The following ME2 variants were observed in gnomAD, a reference collection of about 807,000 sequenced individuals.
ME2 encodes NAD-dependent malic enzyme, mitochondrial.
ME2 carries 60 observed loss-of-function variants against 73.7 expected under a neutral mutation model. The observed-to-expected ratio is 0.81, with a 90% CI of 0.66 to 1.01. The LOEUF (loss-of-function observed/expected upper bound fraction) is 1.01. ME2 is among the 50% of genes least tolerant of loss of function. The probability of loss-of-function intolerance (pLI) is 0.00; values close to 1 mark genes in which losing one functional copy is unlikely to be tolerated. For missense variants in ME2, 594 were observed against 705.5 expected (o/e 0.84, Z 1.79); for synonymous variants, 199 against 236.9 (o/e 0.84, Z 1.47).
At chr18:50,941,711 G>A (rs1917966541) in intron 15 of ME2, among the ~76,000 whole-genome samples, 1 of 147,848 alleles carries the variant, frequency 6.8e-6, no homozygotes, top group Admixed American at 6.8e-5. Flanking sequence ...TAAATTCTAA[G>A]CTTAAGAACA....
At chr18:50,937,929 G>A (rs1036750179) in intron 13 of ME2, among the ~76,000 whole-genome samples, 3 of 152,162 alleles carry the variant, frequency 2.0e-5, no homozygotes, top group Non-Finnish European at 2.9e-5. Context: ...TGAAAGACTC[G>A]TGTTTTCAGA....
At chr18:50,932,009 G>C (rs1292895348) in intron 12 of ME2, among the ~76,000 whole-genome samples, 1 of 151,808 alleles carries the variant, frequency 6.6e-6, no homozygotes, top group African/African-American at 2.4e-5. Flanking sequence ...TAAGTGTCTG[G>C]TTTTTAAATT....
intron 14 of ME2, 147 bp from the exon 15 acceptor site, chr18:50,940,141 C>A: frequency 1.6e-6 from 1 of 636,650 alleles, no homozygotes; most frequent in South Asian, 2.0e-5. Context: ...GTTTTAATTT[C>A]TGCAGTGGTT....
intron 4 of ME2, among the ~76,000 whole-genome samples, chr18:50,913,637 TCTC>T (rs1462048175): frequency 1.3e-5 from 2 of 151,900 alleles, no homozygotes; most frequent in Non-Finnish European, 2.9e-5. Flanking sequence ...TCTGGCCTGT[TCTC>T]CTTTTTTTAA....
intron 13 of ME2, among the ~76,000 whole-genome samples, chr18:50,937,131 ATGTT>A (rs1917836815): frequency 6.6e-6 from 1 of 152,210 alleles, no homozygotes; most frequent in South Asian, 2.1e-4. Context: ...ATGAGACTAA[ATGTT>A]TGGGGGCTAA....
At chr18:50,944,904 G>A (rs1918047208) in intron 15 of ME2, among the ~76,000 whole-genome samples, 1 of 151,888 alleles carries the variant, frequency 6.6e-6, no homozygotes, top group Admixed American at 6.6e-5. Flanking sequence ...ACCTCCCACT[G>A]CCCCTCACAT....
intron 2 of ME2, among the ~76,000 whole-genome samples, chr18:50,902,347 T>C (rs562997063): frequency 1.4e-4 from 21 of 152,346 alleles, no homozygotes; most frequent in African/African-American, 5.0e-4. Context: ...TTCTGGTTAT[T>C]TACACAAATA....
chr18:50,922,003 T>C (rs1351387251), intron 10 of ME2, among the ~76,000 whole-genome samples: 1 of 152,280 alleles, frequency 6.6e-6, no homozygotes, highest in Non-Finnish European at 1.5e-5. Context: ...ACAATGCTGT[T>C]ATATTTTTGT....
chr18:50,916,220 A>G lies in ME2; in HGVS notation c.445A>G (p.Asn149Asp). 6.2e-7 allele frequency: 1 copy of G among 1,612,386 alleles called. No individual in the cohort carries two copies. The stretch of plus-strand genomic sequence containing the variant: ...AGGTCATGTTAGATCAATTGTGGAT[A>G]ACTGGCCAGAAAATCATGTTAAGGT... ...DRGHVRSIVD[N>D]WPENHVKAVV... Residue 149 changes from asparagine (N) to aspartate (D), a missense_variant, in exon 5 of 16, where the codon AAC (asparagine) becomes GAC (aspartate). Coordinates refer to ENST00000321341, the MANE Select transcript of ME2 (RefSeq NM_002396.5).
chr18:50,904,750 A>G (rs1208793764), intron 2 of ME2, among the ~76,000 whole-genome samples: 1 of 152,062 alleles, frequency 6.6e-6, no homozygotes, highest in Non-Finnish European at 1.5e-5. Context: ...ATGGTAATGC[A>G]TTTAGACTAT....
intron 10 of ME2, among the ~76,000 whole-genome samples, chr18:50,922,669 C>T (rs185637746): frequency 6.7e-4 from 102 of 152,266 alleles, no homozygotes; most frequent in Admixed American, 2.3e-3. Context: ...AAGTGAGAAC[C>T]CTGTCCATCT....
rs984124097 is a variant in ME2, at chr18:50,907,712, C to T, written c.109-351C>T. On this transcript the variant is annotated intron_variant, in intron 2 of 15. Transcript: ENST00000321341. Reference sequence around the variant, plus strand: ...TCCAAGAGAACTAGAAACAATGCTACAACTAAACTTTTTGTATATGCCTTT... The same window carrying T: ...TCCAAGAGAACTAGAAACAATGCTATAACTAAACTTTTTGTATATGCCTTT... Among the ~76,000 whole-genome samples, 5 of 152,304 alleles carry T rather than the reference C, an allele frequency of 3.3e-5. No homozygotes were observed. The East Asian group carries it at 5.8e-4, about 18-fold the overall frequency.
chr18:50,891,904 G>A (rs1342545900), intron 1 of ME2, among the ~76,000 whole-genome samples: 5 of 150,076 alleles, frequency 3.3e-5, no homozygotes, highest in Admixed American at 1.3e-4. Flanking sequence ...GCTCTGCCTC[G>A]CAGACTCATC....
chr18:50,916,434 A>C, intron 5 of ME2, 191 bp downstream of exon 5: 1 of 437,838 alleles, frequency 2.3e-6, no homozygotes, highest in South Asian at 4.9e-5. Context: ...ATAAAGTTTG[A>C]CTCTGAGAAA....
intron 10 of ME2, among the ~76,000 whole-genome samples, chr18:50,923,287 T>C (rs1917471226): frequency 6.6e-6 from 1 of 152,082 alleles, no homozygotes; most frequent in Admixed American, 6.6e-5. Context: ...CCAATCTGAT[T>C]GCCTTGAATT....
At chr18:50,913,860 T>TACACACACACACACACACACACACAC (rs1555677139) in intron 4 of ME2, among the ~76,000 whole-genome samples, 2 of 143,284 alleles carry the variant, frequency 1.4e-5, no homozygotes, top group East Asian at 4.1e-4. Flanking sequence ...AGCAATATTA[T>TACACACACACACACACACACACACAC]ACACACACAC....
chr18:50,918,903 C>G lies in ME2; in HGVS notation c.734+690C>G, dbSNP rs550823018. 2.0e-5 allele frequency among the ~76,000 whole-genome samples: 3 copies of G among 152,304 alleles called. No individual in the cohort carries two copies. In the South Asian group the frequency reaches 6.2e-4, roughly 32 times the overall value. ...AATCAGAATCTTCCATCTGGGTATTCTGTTATGAGTGCATATTCATATCCC... is the reference window on the plus strand; with the variant it reads ...AATCAGAATCTTCCATCTGGGTATTGTGTTATGAGTGCATATTCATATCCC... On this transcript the variant is annotated intron_variant, in intron 7 of 15. Transcript: ENST00000321341.
At chr18:50,920,335 A>G in intron 7 of ME2, 121 bp from the exon 8 acceptor site, 2 of 652,084 alleles carry the variant, frequency 3.1e-6, no homozygotes, top group South Asian at 2.1e-5. Context: ...AATTTTTCAG[A>G]TGGCCTTAAT....
At chr18:50,910,018 C>G (rs1244393495) in intron 3 of ME2, among the ~76,000 whole-genome samples, 1 of 152,068 alleles carries the variant, frequency 6.6e-6, no homozygotes, top group Non-Finnish European at 1.5e-5. Flanking sequence ...AACTGATGAT[C>G]TTGCTTTCTT....
Sources: allele counts gnomAD v4.1 joint callset (sites outside exome capture counted in the v4.1 genomes callset), GRCh38; gene constraint gnomAD v4.1.1; transcripts MANE v1.5; gene names NCBI Gene and HGNC (gene_info 2026-07-23, HGNC 2026-07-21).